Variants in ALG10B observed in about 807,000 individuals in gnomAD.
ALG10B encodes the protein dol-P-Glc:Glc(2)Man(9)GlcNAc(2)-PP-Dol alpha-1,2-glucosyltransferase B.
ALG10B carries 27 observed loss-of-function variants against 38.7 expected under a neutral mutation model. The ratio of observed to expected loss-of-function variants is 0.70; its 90% confidence interval spans 0.51 to 0.96. ALG10B has a LOEUF of 0.96. Ranked by LOEUF, ALG10B falls within the 40% of genes least tolerant of loss-of-function variation. The pLI, the probability that ALG10B is intolerant of heterozygous loss-of-function variation, is 0.00. For missense variants in ALG10B, 522 were observed against 542.7 expected (o/e 0.96, Z 0.38); for synonymous variants, 177 against 193.3 (o/e 0.92, Z 0.70).
intron 2 of ALG10B, among the ~76,000 whole-genome samples, chr12:38,319,950 C>G (rs1356772906): frequency 6.6e-6 from 1 of 152,138 alleles, no homozygotes; most frequent in Non-Finnish European, 1.5e-5. Context: ...ACACGGTCTC[C>G]AAACTGATAG....
rs1394337585 is a variant in ALG10B, at chr12:38,326,671, A to G, written c.*5458A>G. 2 of 151,944 alleles carry G rather than the reference A, an allele frequency of 1.3e-5. No homozygotes were observed. Among genetic ancestry groups the G allele is most frequent in the Non-Finnish European group, 2.9e-5 (2 of 67,950 alleles). 9.4% of individuals were successfully genotyped at this position (151,944 alleles called of 1,614,324 possible). A position where few individuals can be genotyped will look rare whatever the true frequency, so the allele number is the denominator to read the frequency against. On this transcript the variant is annotated 3_prime_UTR_variant, in exon 3 of 3. Coordinates refer to ENST00000308742, the MANE Select transcript of ALG10B (RefSeq NM_001013620.4). ...GTTTTTTTTAGTTGGGCTACATTTT[A>G]CCACTCTAGGAATAGCTGTTAATTA...
chr12:38,317,154 C>T, intron 1 of ALG10B, 90 bp downstream of exon 1: 1 of 1,566,560 alleles, frequency 6.4e-7, no homozygotes, highest in South Asian at 1.1e-5. Context: ...CTTAACTCGT[C>T]CCTTTCCACC....
chr12:38,320,036 A>T, intron 2 of ALG10B, 125 bp from the exon 3 acceptor site: 1 of 1,206,660 alleles, frequency 8.3e-7, no homozygotes. Flanking sequence ...TAAGATTAAT[A>T]TTGATTAATT....
chr12:38,320,077 G>C, intron 2 of ALG10B, 84 bp from the exon 3 acceptor site: 1 of 1,548,118 alleles, frequency 6.5e-7, no homozygotes, highest in South Asian at 1.1e-5. Flanking sequence ...TAGTTGAGTA[G>C]TTTTAAATAA....
chr12:38,323,924 A>G lies in ALG10B; in HGVS notation c.*2711A>G, dbSNP rs1318046923. 5.7e-6 allele frequency: 4 copies of G among 702,242 alleles called. No homozygotes were observed. The Admixed American group carries it at 8.0e-5, about 14-fold the overall frequency. The allele number at this position is 702,242 out of a possible 1,614,324, so 43.5% of individuals were successfully genotyped here. ...GATTTTGTATTTAGGAATACTTCTG[A>G]GAGGAGAAGCTTCCACTCTGATCTA... On this transcript the variant is annotated 3_prime_UTR_variant, in exon 3 of 3. Coordinates refer to ENST00000308742, the MANE Select transcript of ALG10B (RefSeq NM_001013620.4).
At position 38,328,510 on chromosome 12, in the gene ALG10B, G is replaced by A. The variant is rs895667880; in HGVS notation, c.*7297G>A. ...TAAAAATTTTTAAGGTGTCCACTAG[G>A]TGGAGATATTGTGCTACATTTCCAA... On this transcript the variant is annotated 3_prime_UTR_variant, in exon 3 of 3. Transcript: ENST00000308742. 5 of 152,022 alleles carry A rather than the reference G, an allele frequency of 3.3e-5. No individual in the cohort carries two copies. The highest frequency in any genetic ancestry group is 7.4e-5 in the Non-Finnish European group (5 of 67,982). 9.4% of individuals were successfully genotyped at this position (152,022 alleles called of 1,614,324 possible). A position where few individuals can be genotyped will look rare whatever the true frequency, so the allele number is the denominator to read the frequency against.
chr12:38,317,439 A>G, intron 1 of ALG10B: 1 of 244,830 alleles, frequency 4.1e-6, no homozygotes. Flanking sequence ...TAAGCACCTC[A>G]CTGTGCATTT....
Position 38,324,588 on chromosome 12 carries a change from A to G in ALG10B, c.*3375A>G, listed in dbSNP as rs1736753516. ...TTCGTTAAATTTTCTAGGCAGTTCA[A>G]AGATGGCCATTTGCTGGTGAATTTT... is the stretch of plus-strand genomic sequence containing the variant. On this transcript the variant is annotated 3_prime_UTR_variant, in exon 3 of 3. Coordinates refer to ENST00000308742, the MANE Select transcript of ALG10B (RefSeq NM_001013620.4). The G allele has an allele frequency of 6.6e-6, 1 of 152,234 alleles. No homozygotes were observed. The highest frequency in any genetic ancestry group is 1.5e-5 in the Non-Finnish European group (1 of 68,042). The allele number at this position is 152,234 out of a possible 1,614,324, so 9.4% of individuals were successfully genotyped here.
rs1945733206 is a variant in ALG10B at position 38,325,126 on chromosome 12, T to C, written c.*3913T>C. The C allele has an allele frequency of 6.6e-6, 1 of 152,192 alleles. No homozygotes were observed. Among genetic ancestry groups the C allele is most frequent in the Admixed American group, 6.5e-5 (1 of 15,280 alleles). The allele number at this position is 152,192 out of a possible 1,614,324, so 9.4% of individuals were successfully genotyped here. On this transcript the variant is annotated 3_prime_UTR_variant, in exon 3 of 3. Transcript: ENST00000308742. ...AACGTTTATGTTTTCCATTAATGGA[T>C]AGTCAGGAATCTTTTGAACTGCGTC...
Position 38,320,056 on chromosome 12 carries a change from T to G in ALG10B, c.370-105T>G, listed in dbSNP as rs972234737. 4 of 1,363,266 alleles carry G rather than the reference T, an allele frequency of 2.9e-6. No individual in the cohort carries two copies. The East Asian group carries it at 9.5e-5, about 33-fold the overall frequency. The allele number at this position is 1,363,266 out of a possible 1,614,324, so 84.4% of individuals were successfully genotyped here. ...TTAATATTGATTAATTTTATTTAAA[T>G]AAGGTTTGAGTAGTTGAGTAGTTTT... On this transcript the variant is annotated intron_variant, in intron 2 of 2. Coordinates refer to ENST00000308742, the MANE Select transcript of ALG10B (RefSeq NM_001013620.4).
Position 38,318,387 on chromosome 12 carries a change from A to T in ALG10B, c.298A>T (p.Asn100Tyr). 1 of 1,614,118 alleles carries T rather than the reference A, an allele frequency of 6.2e-7. No homozygotes were observed. Among genetic ancestry groups the T allele is most frequent in the Non-Finnish European group, 8.5e-7 (1 of 1,180,006 alleles). The change falls in exon 2 of 3, where the codon AAT becomes TAT. Residue 100 changes from asparagine (N) to tyrosine (Y), a missense_variant. Coordinates refer to ENST00000308742, the MANE Select transcript of ALG10B (RefSeq NM_001013620.4). ...CTCCATTGGGATGCTCAGATTTGTTAATCTTCTCTTCAGTGTTGGCAACTT... is the reference window on the plus strand; with the variant it reads ...CTCCATTGGGATGCTCAGATTTGTTTATCTTCTCTTCAGTGTTGGCAACTT... ...VCSIGMLRFV[N>Y]LLFSVGNFYL...
rs1945709463 is a variant in ALG10B, at chr12:38,322,124, G to A, written c.*911G>A. On this transcript the variant is annotated 3_prime_UTR_variant, in exon 3 of 3. Transcript: ENST00000308742. ...CTATGTCTGTTTCCTAATATCTTGTGGCTGTCTGCAATTCTTGGAGTTCTT... is the reference window on the plus strand; with the variant it reads ...CTATGTCTGTTTCCTAATATCTTGTAGCTGTCTGCAATTCTTGGAGTTCTT... 6.6e-6 allele frequency: 1 copy of A among 152,138 alleles called. No homozygotes were observed. Among genetic ancestry groups the A allele is most frequent in the African/African-American group, 2.4e-5 (1 of 41,428 alleles). 9.4% of individuals were successfully genotyped at this position (152,138 alleles called of 1,614,324 possible).
rs1330627145 is a variant in ALG10B at position 38,316,794 on chromosome 12, C to T, written c.-100C>T. ...GGTATGTGGCCCCGTCTGGCTAGTC[C>T]TGTCTAGCGCGCCCATTTCGAGCCC... On this transcript the variant is annotated 5_prime_UTR_variant, in exon 1 of 3. Transcript: ENST00000308742. 18 of 1,597,982 alleles carry T rather than the reference C, an allele frequency of 1.1e-5. No individual in the cohort carries two copies. Among genetic ancestry groups the T allele is most frequent in the Non-Finnish European group, 1.5e-5 (18 of 1,167,542 alleles).
rs1214637999 is a variant in ALG10B, at chr12:38,327,027, A to G, written c.*5814A>G. On this transcript the variant is annotated 3_prime_UTR_variant, in exon 3 of 3. Coordinates refer to ENST00000308742, the MANE Select transcript of ALG10B (RefSeq NM_001013620.4). The stretch of plus-strand genomic sequence containing the variant: ...TTTTCTAACAAGGAAAAGAAAATAC[A>G]TATATATATATTTATATATACAAAT... 2.7e-5 allele frequency: 4 copies of G among 149,032 alleles called. No individual in the cohort carries two copies. Among genetic ancestry groups the G allele is most frequent in the African/African-American group, 4.9e-5 (2 of 40,826 alleles). The allele number at this position is 149,032 out of a possible 1,614,324, so 9.2% of individuals were successfully genotyped here. A position where few individuals can be genotyped will look rare whatever the true frequency, so the allele number is the denominator to read the frequency against.
In ALG10B at chr12:38,326,403, T is replaced by C. The variant is rs920539298; in HGVS notation, c.*5190T>C. 16 of 151,742 alleles carry C rather than the reference T, an allele frequency of 1.1e-4. No individual in the cohort carries two copies. Among genetic ancestry groups the C allele is most frequent in the Admixed American group, 9.9e-4 (15 of 15,228 alleles). 9.4% of individuals were successfully genotyped at this position (151,742 alleles called of 1,614,324 possible). A position where few individuals can be genotyped will look rare whatever the true frequency, so the allele number is the denominator to read the frequency against. On this transcript the variant is annotated 3_prime_UTR_variant, in exon 3 of 3. Transcript: ENST00000308742. ...ATATGATTTCAACATAATTACTGTT[T>C]ATTTAAAATAAGAAAAACAAATAAC...
chr12:38,318,405 G>A lies in ALG10B; in HGVS notation c.316G>A (p.Gly106Ser), dbSNP rs979204635. The A allele has an allele frequency of 9.3e-6, 15 of 1,613,900 alleles. No individual in the cohort carries two copies. Among genetic ancestry groups the A allele is most frequent in the Middle Eastern group, 1.6e-4 (1 of 6,084 alleles). Residue 106 changes from glycine to serine, a missense_variant, in exon 2 of 3, where the codon GGC (glycine) becomes AGC (serine). Coordinates refer to ENST00000308742, the MANE Select transcript of ALG10B (RefSeq NM_001013620.4). The stretch of plus-strand genomic sequence containing the variant: ...ATTTGTTAATCTTCTCTTCAGTGTT[G>A]GCAACTTCTATTTACTATATTTGCT... ...LRFVNLLFSV[G>S]NFYLLYLLFH...
Position 38,317,213 on chromosome 12 carries a change from C to T in ALG10B, c.171+149C>T. On this transcript the variant is annotated intron_variant, in intron 1 of 2. Transcript: ENST00000308742. ...AGAAACTGGGTATAGTCTTTTGTTCCTGTCTCTGAGATCTGTGAAATATTT... is the reference window on the plus strand; with the variant it reads ...AGAAACTGGGTATAGTCTTTTGTTCTTGTCTCTGAGATCTGTGAAATATTT... 2.8e-6 allele frequency: 3 copies of T among 1,073,820 alleles called. No homozygotes were observed. The Admixed American group carries it at 8.0e-5, about 29-fold the overall frequency. The allele number at this position is 1,073,820 out of a possible 1,614,324, so 66.5% of individuals were successfully genotyped here. A position where few individuals can be genotyped will look rare whatever the true frequency, so the allele number is the denominator to read the frequency against.
At position 38,320,653 on chromosome 12, in the gene ALG10B, T is replaced by C; in HGVS notation, c.862T>C (p.Phe288Leu). Reference protein sequence around the residue: ...DRSSHEACLHFPQLFYFFSFT... With the variant: ...DRSSHEACLHLPQLFYFFSFT... ...GAGTAGTCATGAAGCCTGTCTTCATTTTCCTCAACTATTCTACTTTTTTTC... is the reference window on the plus strand; with the variant it reads ...GAGTAGTCATGAAGCCTGTCTTCATCTTCCTCAACTATTCTACTTTTTTTC... Residue 288 changes from phenylalanine to leucine, a missense_variant, in exon 3 of 3, where the codon TTT (phenylalanine) becomes CTT (leucine). Phe to Leu is a conservative substitution (Grantham distance 22, BLOSUM62 0). Coordinates refer to ENST00000308742, the MANE Select transcript of ALG10B (RefSeq NM_001013620.4). 1 of 1,613,974 alleles carries C rather than the reference T, an allele frequency of 6.2e-7. No individual in the cohort carries two copies. The highest frequency in any genetic ancestry group is 2.2e-5 in the East Asian group (1 of 44,868).
rs764755710 is a variant in ALG10B, at chr12:38,320,686, C to T, written c.895C>T (p.Leu299Phe). The change falls in exon 3 of 3, where the codon CTC (leucine) becomes TTC (phenylalanine). Residue 299 changes from leucine (L) to phenylalanine (F), a missense_variant. Leu to Phe is a conservative substitution (Grantham distance 22). Transcript: ENST00000308742. Reference protein sequence around the residue: ...PQLFYFFSFTLFFSFPHLLSP... With the variant: ...PQLFYFFSFTFFFSFPHLLSP... Reference sequence around the variant, plus strand: ...ACTATTCTACTTTTTTTCATTTACTCTCTTTTTTTCTTTTCCTCATCTCCT... The same window carrying T: ...ACTATTCTACTTTTTTTCATTTACTTTCTTTTTTTCTTTTCCTCATCTCCT... 8.1e-6 allele frequency: 13 copies of T among 1,613,744 alleles called. No homozygotes were observed. The highest frequency in any genetic ancestry group is 1.7e-4 in the Middle Eastern group (1 of 6,060).
Sources: allele counts gnomAD v4.1 joint callset (sites outside exome capture counted in the v4.1 genomes callset), GRCh38; gene constraint gnomAD v4.1.1; transcripts MANE v1.5; gene names NCBI Gene and HGNC (gene_info 2026-07-23, HGNC 2026-07-21).